The following CFAP99 variants were observed in gnomAD, a reference collection of about 807,000 sequenced individuals.
CFAP99 encodes the protein cilia and flagella associated protein 99, also known as cilia- and flagella-associated protein 99.
A neutral mutation model predicts 82.7 loss-of-function variants in CFAP99; 84 were observed. The ratio of observed to expected loss-of-function variants is 1.02; its 90% CI spans 0.85 to 1.22. The LOEUF (loss-of-function observed/expected upper bound fraction) is 1.22. Among genes scored for constraint, CFAP99 ranks in the 50% most tolerant of loss-of-function variants. The pLI is 0.00. For missense variants in CFAP99, 1,059 were observed against 983.5 expected (o/e 1.08, Z -1.03); for synonymous variants, 456 against 429.5 (o/e 1.06, Z -0.76).
intron 1 of CFAP99, among the ~76,000 whole-genome samples, 160 bp downstream of exon 1, chr4:2,419,253 T>A (rs984001362): frequency 8.6e-5 from 13 of 151,224 alleles, no homozygotes; most frequent in South Asian, 4.2e-4. Flanking sequence ...TTTTTTTTTT[T>A]AAATCACCAC....
chr4:2,460,081 G>C, exon 14 of CFAP99: 1 of 1,536,112 alleles, frequency 6.5e-7, no homozygotes, highest in East Asian at 2.4e-5. Context: ...TAGTGGAGCT[G>C]CGAGAGCGGC....
intron 11 of CFAP99, among the ~76,000 whole-genome samples, chr4:2,457,408 G>C (rs1188843642): frequency 6.6e-6 from 1 of 152,228 alleles, no homozygotes; most frequent in Non-Finnish European, 1.5e-5. Flanking sequence ...CTTGGTGCGA[G>C]CTCAGCGAGC....
chr4:2,438,252 GTTGTT>G lies in CFAP99; in HGVS notation c.351+95_351+99del, dbSNP rs1733962070. ...GCCCACCTTTCGTCATTCTGGTTGG[GTTGTT>G]TTGTTTGTTTGTTTGTTTGTTTTGA... On this transcript the variant is annotated intron_variant, in intron 4 of 14. Coordinates refer to ENST00000635017, the Ensembl canonical transcript of CFAP99. 3.7e-6 allele frequency: 3 copies of G among 804,722 alleles called. No individual in the cohort carries two copies. The Admixed American group carries it at 6.1e-5, about 16-fold the overall frequency. The allele number at this position is 804,722 out of a possible 1,614,324, so 49.8% of individuals were successfully genotyped here. A position where few individuals can be genotyped will look rare whatever the true frequency, so the allele number is the denominator to read the frequency against.
chr4:2,456,663 G>T (rs1221418891), intron 11 of CFAP99, among the ~76,000 whole-genome samples: 1 of 152,032 alleles, frequency 6.6e-6, no homozygotes, highest in Admixed American at 6.6e-5. Context: ...GGGATTACAG[G>T]CATGCACCAT....
chr4:2,451,852 G>A (rs987345943), intron 10 of CFAP99, among the ~76,000 whole-genome samples: 3 of 152,070 alleles, frequency 2.0e-5, no homozygotes, highest in Non-Finnish European at 4.4e-5. Flanking sequence ...ACAGATGATG[G>A]ACACAGGGTT....
intron 8 of CFAP99, 170 bp downstream of exon 8, chr4:2,450,175 G>A (rs906097539): frequency 3.1e-5 from 21 of 688,164 alleles, no homozygotes; most frequent in African/African-American, 1.2e-4. Context: ...AGCCCACTGC[G>A]ATGTGGCCCC....
chr4:2,452,189 A>G lies in CFAP99; in HGVS notation c.1004A>G (p.Glu335Gly), dbSNP rs1290195503. 1 of 1,536,114 alleles carries G rather than the reference A, an allele frequency of 6.5e-7. No homozygotes were observed. The highest frequency in any genetic ancestry group is 1.4e-5 in the African/African-American group (1 of 73,154). The change falls in exon 11 of 15, where the codon GAG (glutamate) becomes GGG (glycine). Residue 335 changes from glutamate to glycine, a missense_variant. Coordinates refer to ENST00000635017, the Ensembl canonical transcript of CFAP99. Reference sequence around the variant, plus strand: ...GCTGGGGACTTCTCTGAGTTCTTCGAGTGGCAGAAGAAGATGCAGGCGAAG... The same window carrying G: ...GCTGGGGACTTCTCTGAGTTCTTCGGGTGGCAGAAGAAGATGCAGGCGAAG...
chr4:2,424,849 C>T (rs528552278), intron 1 of CFAP99, among the ~76,000 whole-genome samples: 5 of 152,318 alleles, frequency 3.3e-5, no homozygotes, highest in Admixed American at 6.5e-5. Context: ...TATCATGACT[C>T]ATTCCCTGTG....
exon 7 of CFAP99, chr4:2,449,678 G>C: frequency 6.5e-7 from 1 of 1,536,100 alleles, no homozygotes; most frequent in East Asian, 2.4e-5. Context: ...AGGTCCCCCA[G>C]AGCACCTACC....
chr4:2,434,004 G>A (rs1733854211), intron 2 of CFAP99, among the ~76,000 whole-genome samples: 2 of 152,236 alleles, frequency 1.3e-5, no homozygotes, highest in African/African-American at 2.4e-5. Flanking sequence ...GAGACTTGAA[G>A]GGGAGCAAGA....
At chr4:2,450,812 G>A in intron 8 of CFAP99, 135 bp from the exon 9 acceptor site, 1 of 689,612 alleles carries the variant, frequency 1.5e-6, no homozygotes, top group Non-Finnish European at 2.5e-6. Context: ...TGGTAGGGAT[G>A]GGCAGCTGGG....
intron 14 of CFAP99, 103 bp downstream of exon 14, chr4:2,460,345 C>A: frequency 1.9e-6 from 2 of 1,037,136 alleles, no homozygotes; most frequent in African/African-American, 1.6e-5. Context: ...AACCACCACC[C>A]TCCTGCCCAG....
Position 2,462,781 on chromosome 4 carries a change from C to T in CFAP99, c.2000C>T (p.Ala667Val). ...GCGGGAGGCGGTGGGGGCGTCCCTG[C>T]CCGCGCCGACGCGTTCCCCGGCCTG... The change falls in exon 15 of 15, where the codon GCC becomes GTC. Residue 667 changes from alanine to valine, a missense_variant. Coordinates refer to ENST00000635017, the Ensembl canonical transcript of CFAP99. This position sits in a 1 kb window ranked among gnomAD's most constrained non-coding sequence, Gnocchi z 4.1. 1 of 1,276,294 alleles carries T rather than the reference C, an allele frequency of 7.8e-7. No homozygotes were observed. The highest frequency in any genetic ancestry group is 3.3e-5 in the East Asian group (1 of 30,248). 79.1% of individuals were successfully genotyped at this position (1,276,294 alleles called of 1,614,324 possible).
At chr4:2,450,407 C>T (rs1578478709) in intron 8 of CFAP99, 4 of 293,760 alleles carry the variant, frequency 1.4e-5, no homozygotes, top group African/African-American at 4.3e-5. Context: ...AGCACGGCCC[C>T]GCTGGGTGGC....
exon 4 of CFAP99, chr4:2,438,101 G>A (rs1317353038): frequency 6.5e-7 from 1 of 1,535,496 alleles, no homozygotes. Context: ...TCCTGCTGGA[G>A]GAACTCGGCT....
At chr4:2,452,154 C>G (rs146333010) in exon 11 of CFAP99, 764 of 1,536,004 alleles carry the variant, frequency 5.0e-4, no homozygotes, top group Admixed American at 1.5e-3. Flanking sequence ...TTGATAAGCT[C>G]GTGGATGGGG....
intron 2 of CFAP99, among the ~76,000 whole-genome samples, chr4:2,433,092 G>T (rs1016846006): frequency 6.6e-6 from 1 of 151,852 alleles, no homozygotes; most frequent in East Asian, 1.9e-4. Context: ...CCAGCCTGGC[G>T]TGGACTGGGA....
intron 4 of CFAP99, among the ~76,000 whole-genome samples, chr4:2,440,811 G>C (rs1734020165): frequency 6.6e-6 from 1 of 151,594 alleles, no homozygotes; most frequent in Non-Finnish European, 1.5e-5. Context: ...AGCCAGGATG[G>C]TCTCGATCTC....
chr4:2,450,401 C>T (rs895970448), intron 8 of CFAP99: 9 of 295,908 alleles, frequency 3.0e-5, no homozygotes, highest in Admixed American at 9.0e-5. Flanking sequence ...CTCAGGAGCA[C>T]GGCCCCGCTG....
Sources: allele counts gnomAD v4.1 joint callset (sites outside exome capture counted in the v4.1 genomes callset), GRCh38; gene constraint gnomAD v4.1.1; non-coding constraint Gnocchi (gnomAD v3.1); transcripts MANE v1.5; gene names NCBI Gene and HGNC (gene_info 2026-07-23, HGNC 2026-07-21).